The following TRDN variants were observed in gnomAD, a reference collection of about 807,000 sequenced individuals.
TRDN encodes triadin.
Under a neutral mutation model 149.7 loss-of-function variants are expected in TRDN, and 161 were observed. The ratio of observed to expected loss-of-function variants is 1.08; its 90% confidence interval spans 0.95 to 1.23. The LOEUF (loss-of-function observed/expected upper bound fraction) is 1.23, where lower values mean the gene tolerates loss of function less well. Among genes scored for constraint, TRDN ranks in the 50% most tolerant of loss-of-function variants. The pLI is 0.00. For synonymous variants in TRDN, 294 were observed against 250.5 expected (o/e 1.17, Z -1.64); for missense variants, 896 against 823.5 (o/e 1.09, Z -1.08).
intron 16 of TRDN, among the ~76,000 whole-genome samples, chr6:123,380,254 G>A (rs1781662896): frequency 6.6e-6 from 1 of 152,206 alleles, no homozygotes; most frequent in Non-Finnish European, 1.5e-5. Context: ...CCTGAAGATT[G>A]CCAAGGAGCT....
chr6:123,566,512 A>T (rs1024234049), intron 2 of TRDN, among the ~76,000 whole-genome samples: 1 of 152,162 alleles, frequency 6.6e-6, no homozygotes, highest in East Asian at 1.9e-4. Context: ...ATAAAAACAG[A>T]TTTTCATTTC....
rs1453776478 is a variant in TRDN at position 123,548,620 on chromosome 6, T to C, written c.233-8A>G. 12 of 1,289,186 alleles carry C rather than the reference T, an allele frequency of 9.3e-6. No individual in the cohort carries two copies. The highest frequency in any genetic ancestry group is 1.1e-5 in the Non-Finnish European group (11 of 1,024,360). The allele number at this position is 1,289,186 out of a possible 1,614,324, so 79.9% of individuals were successfully genotyped here. The stretch of plus-strand genomic sequence containing the variant: ...TCTTGGCAATAGAGCTTGCTAAAAG[T>C]AATTAAAAAAAAAAAAAAAGAAAAA... On this transcript the variant is annotated splice_region_variant and splice_polypyrimidine_tract_variant and intron_variant, in intron 2 of 40. Coordinates refer to ENST00000334268, the MANE Select transcript of TRDN (RefSeq NM_006073.4).
At chr6:123,466,703 G>A (rs1381375243) in intron 9 of TRDN, among the ~76,000 whole-genome samples, 2 of 151,790 alleles carry the variant, frequency 1.3e-5, no homozygotes, top group Middle Eastern at 3.2e-3. Flanking sequence ...AAGGTACGGT[G>A]GTATTTTGTA....
chr6:123,383,182 G>A (rs1034539316), intron 14 of TRDN, among the ~76,000 whole-genome samples: 3 of 151,954 alleles, frequency 2.0e-5, no homozygotes, highest in African/African-American at 4.8e-5. Flanking sequence ...ATGAAGAAAG[G>A]GAACTAAAAT....
chr6:123,377,723 T>C lies in TRDN; in HGVS notation c.1239A>G (p.Glu413=). The C allele has an allele frequency of 1.2e-6, 2 of 1,613,258 alleles. No individual in the cohort carries two copies. The highest frequency in any genetic ancestry group is 1.1e-5 in the South Asian group (1 of 91,056). ...HVEPAKSPKK[E]HSVPSDKQVK... ...AACAGTGGTCTTACTCACCTGAGTG[T>C]TCTTTCTTTGGTGACTTTGCTGTAT... Residue 413 remains glutamate, a synonymous_variant, in exon 18 of 41, where the codon GAA becomes GAG. Coordinates refer to ENST00000334268, the MANE Select transcript of TRDN (RefSeq NM_006073.4).
At chr6:123,403,529 G>A (rs1466433741) in intron 12 of TRDN, among the ~76,000 whole-genome samples, 1 of 152,152 alleles carries the variant, frequency 6.6e-6, no homozygotes, top group African/African-American at 2.4e-5. Flanking sequence ...AAAAGTCTGG[G>A]AAATGGGAAG....
chr6:123,323,797 A>G (rs1019190515), intron 23 of TRDN, among the ~76,000 whole-genome samples: 1 of 152,224 alleles, frequency 6.6e-6, no homozygotes, highest in South Asian at 2.1e-4. Flanking sequence ...AATGCAATGT[A>G]CCACACTTCT....
chr6:123,438,881 A>G (rs1774728204), intron 11 of TRDN, 63 bp downstream of exon 11: 20 of 1,273,464 alleles, frequency 1.6e-5, no homozygotes, highest in Non-Finnish European at 1.9e-5. Flanking sequence ...TAATAGATTT[A>G]CCAGTAGTAT....
intron 35 of TRDN, among the ~76,000 whole-genome samples, chr6:123,256,544 T>C (rs1776569524): frequency 6.6e-6 from 1 of 152,214 alleles, no homozygotes. Flanking sequence ...TGAGATGGTA[T>C]CTCAGTGGTT....
intron 24 of TRDN, among the ~76,000 whole-genome samples, chr6:123,290,635 T>C (rs1201088443): frequency 6.6e-6 from 1 of 152,236 alleles, no homozygotes; most frequent in East Asian, 1.9e-4. Flanking sequence ...TATTGTGTGG[T>C]TTAAAGTCTT....
chr6:123,527,013 C>T (rs1437754252), intron 5 of TRDN, among the ~76,000 whole-genome samples: 3 of 151,954 alleles, frequency 2.0e-5, no homozygotes, highest in Non-Finnish European at 2.9e-5. Context: ...CTATTATCCC[C>T]ATTTTACAGA....
At chr6:123,455,883 T>C (rs899195765) in intron 10 of TRDN, among the ~76,000 whole-genome samples, 1 of 152,216 alleles carries the variant, frequency 6.6e-6, no homozygotes, top group African/African-American at 2.4e-5. Flanking sequence ...TACATTTTTC[T>C]GTAATTGGAA....
chr6:123,499,719 A>AAAAAAAAAAAAAAAATATATATATAT, intron 8 of TRDN, among the ~76,000 whole-genome samples: 4 of 47,672 alleles, frequency 8.4e-5, no homozygotes, highest in East Asian at 5.2e-4. Context: ...AAAAAAAAAA[A>AAAAAAAAAAAAAAAATATATATATAT]ATATATATAT....
chr6:123,510,946 T>C (rs909381458), intron 7 of TRDN, among the ~76,000 whole-genome samples: 3 of 152,166 alleles, frequency 2.0e-5, no homozygotes, highest in Non-Finnish European at 2.9e-5. Flanking sequence ...GCCCAGCCAA[T>C]TATTTCTTTT....
chr6:123,565,686 C>T (rs951380317), intron 2 of TRDN, among the ~76,000 whole-genome samples: 1 of 152,126 alleles, frequency 6.6e-6, no homozygotes, highest in Non-Finnish European at 1.5e-5. Context: ...TTGCAGCTCA[C>T]GCTCATGATC....
intron 24 of TRDN, among the ~76,000 whole-genome samples, chr6:123,290,860 GA>G (rs1777985116): frequency 6.6e-6 from 1 of 152,176 alleles, no homozygotes; most frequent in Non-Finnish European, 1.5e-5. Context: ...GTTATGGAAA[GA>G]AAAAGTACTT....
chr6:123,566,778 G>C (rs1203250173), intron 2 of TRDN, among the ~76,000 whole-genome samples: 3 of 152,124 alleles, frequency 2.0e-5, no homozygotes, highest in Non-Finnish European at 4.4e-5. Flanking sequence ...TTAAATATGT[G>C]AGTATAATTT....
intron 2 of TRDN, among the ~76,000 whole-genome samples, chr6:123,557,222 C>A (rs190864883): frequency 6.6e-6 from 1 of 152,278 alleles, no homozygotes; most frequent in East Asian, 1.9e-4. Flanking sequence ...CACTCAAAGC[C>A]TGTTTGGTGG....
chr6:123,289,696 G>T (rs544716377), intron 24 of TRDN, among the ~76,000 whole-genome samples: 1 of 152,168 alleles, frequency 6.6e-6, no homozygotes, highest in Non-Finnish European at 1.5e-5. Context: ...ATTGAAAGTG[G>T]GTATAAATAT....
Sources: gnomAD v4.1 joint callset for allele counts (sites outside exome capture counted in the v4.1 genomes callset) on GRCh38, gnomAD v4.1.1 for gene constraint, MANE v1.5 for transcripts, NCBI Gene and HGNC (gene_info 2026-07-23, HGNC 2026-07-21) for gene names.